GDPD1: variants seen among roughly 807,000 people sequenced by gnomAD.
GDPD1 encodes the protein lysophospholipase D GDPD1.
GDPD1 carries 28 observed loss-of-function variants against 45.1 expected under a neutral mutation model. That is an observed-to-expected ratio of 0.62 (90% CI 0.46 to 0.85). The LOEUF (loss-of-function observed/expected upper bound fraction) is 0.85. Ranked by LOEUF, GDPD1 falls within the 40% of genes least tolerant of loss-of-function variation. The probability of loss-of-function intolerance (pLI) is 0.00; values close to 1 mark genes in which losing one functional copy is unlikely to be tolerated. For missense variants in GDPD1, 256 were observed against 364.8 expected (o/e 0.70, Z 2.43); for synonymous variants, 139 against 131.4 (o/e 1.06, Z -0.40).
intron 6 of GDPD1, among the ~76,000 whole-genome samples, chr17:59,263,476 TCC>T (rs1196207636): frequency 1.6e-4 from 10 of 63,206 alleles, no homozygotes; most frequent in Non-Finnish European, 3.0e-4. Flanking sequence ...ATTCTTTTTT[TCC>T]TTTCCTTTTT....
chr17:59,245,679 G>A (rs1336145624), intron 3 of GDPD1, 130 bp downstream of exon 3: 1 of 693,300 alleles, frequency 1.4e-6, no homozygotes, highest in Non-Finnish European at 2.2e-6. Flanking sequence ...AAACATCAAA[G>A]GAAATTTTAA....
chr17:59,272,512 T>C (rs553996944), intron 8 of GDPD1, among the ~76,000 whole-genome samples: 7 of 152,328 alleles, frequency 4.6e-5, no homozygotes, highest in African/African-American at 1.7e-4. Flanking sequence ...TCTTTTCCAT[T>C]GAGCTGTGCC....
In GDPD1 at chr17:59,275,410, G is replaced by A. The variant is rs1468726966; in HGVS notation, c.*1637G>A. Reference sequence around the variant, plus strand: ...TCTATTTGAGACCTTTTTCAGGTGTGTAGCAATTCTACCATGTCCATTTTT... The same window carrying A: ...TCTATTTGAGACCTTTTTCAGGTGTATAGCAATTCTACCATGTCCATTTTT... On this transcript the variant is annotated 3_prime_UTR_variant, in exon 10 of 10. Transcript: ENST00000284116. The A allele has an allele frequency of 2.4e-6, 1 of 420,756 alleles. No individual in the cohort carries two copies. Among genetic ancestry groups the A allele is most frequent in the Non-Finnish European group, 4.3e-6 (1 of 231,408 alleles). 26.1% of individuals were successfully genotyped at this position (420,756 alleles called of 1,614,324 possible).
At chr17:59,256,136 G>A (rs1285289056) in intron 4 of GDPD1, among the ~76,000 whole-genome samples, 1 of 151,726 alleles carries the variant, frequency 6.6e-6, no homozygotes, top group Admixed American at 6.6e-5. Flanking sequence ...CTGGCCAAAT[G>A]CAAAACCCCA....
At chr17:59,272,961 C>A in intron 9 of GDPD1, 125 bp downstream of exon 9, 3 of 1,580,016 alleles carry the variant, frequency 1.9e-6, no homozygotes, top group Non-Finnish European at 2.6e-6. Context: ...CTTTACTGAT[C>A]CACAAATGAG....
chr17:59,238,894 C>T (rs951513319), intron 2 of GDPD1, among the ~76,000 whole-genome samples: 3 of 152,146 alleles, frequency 2.0e-5, no homozygotes, highest in African/African-American at 7.2e-5. Flanking sequence ...GAGCCTCCTT[C>T]ATAGTAAAGC....
chr17:59,250,802 G>A (rs1231260265), intron 4 of GDPD1, among the ~76,000 whole-genome samples: 1 of 151,894 alleles, frequency 6.6e-6, no homozygotes. Context: ...TGGGTTCAAG[G>A]GATTCTCATG....
At chr17:59,268,448 G>A (rs1190778079) in intron 7 of GDPD1, among the ~76,000 whole-genome samples, 4 of 151,422 alleles carry the variant, frequency 2.6e-5, no homozygotes, top group Non-Finnish European at 4.4e-5. Context: ...GCGTGGTGGC[G>A]GGCGCCTGTA....
At chr17:59,250,193 CTT>C (rs1391603732) in intron 4 of GDPD1, among the ~76,000 whole-genome samples, 1 of 152,120 alleles carries the variant, frequency 6.6e-6, no homozygotes, top group Non-Finnish European at 1.5e-5. Context: ...ATTCTTGTAA[CTT>C]ATACGATTAT....
At chr17:59,237,810 C>A (rs528505600) in intron 2 of GDPD1, among the ~76,000 whole-genome samples, 1 of 152,146 alleles carries the variant, frequency 6.6e-6, no homozygotes, top group South Asian at 2.1e-4. Context: ...TGGCTCACAC[C>A]TGTAATCCCA....
At chr17:59,222,773 C>T (rs1020156320) in intron 1 of GDPD1, among the ~76,000 whole-genome samples, 5 of 152,054 alleles carry the variant, frequency 3.3e-5, no homozygotes, top group African/African-American at 4.8e-5. Flanking sequence ...CCTTAGCCTC[C>T]CAAAGTGTTG....
chr17:59,256,089 C>G (rs998150836), intron 4 of GDPD1, among the ~76,000 whole-genome samples: 1 of 151,504 alleles, frequency 6.6e-6, no homozygotes, highest in Non-Finnish European at 1.5e-5. Context: ...GAGGCCGAGG[C>G]GGGCAGATCA....
In GDPD1 at chr17:59,254,822, C is replaced by T. The variant is rs188709544; in HGVS notation, c.368-2300C>T. ...TGTGTTAGCTTTGCTTTTAGGGACA[C>T]CCTTTCCACAGAGATGAACTCTTGG... On this transcript the variant is annotated intron_variant, in intron 4 of 9. Coordinates refer to ENST00000284116, the MANE Select transcript of GDPD1 (RefSeq NM_182569.4). Among the ~76,000 whole-genome samples the T allele has an allele frequency of 2.6e-5, 4 of 152,264 alleles. No homozygotes were observed. The East Asian group carries it at 7.7e-4, about 29-fold the overall frequency.
In GDPD1 at chr17:59,248,800, T is replaced by C. The variant is rs752679709; in HGVS notation, c.367+15T>C. On this transcript the variant is annotated intron_variant, in intron 4 of 9. Transcript: ENST00000284116. Reference sequence around the variant, plus strand: ...ATTTCAAAGAGGTAATATTTTTTGTTTGTGGCTTAAACATTTGTGTTGAGA... The same window carrying C: ...ATTTCAAAGAGGTAATATTTTTTGTCTGTGGCTTAAACATTTGTGTTGAGA... 6.3e-7 allele frequency: 1 copy of C among 1,587,994 alleles called. No individual in the cohort carries two copies. The highest frequency in any genetic ancestry group is 2.3e-5 in the East Asian group (1 of 44,302).
intron 6 of GDPD1, among the ~76,000 whole-genome samples, chr17:59,258,485 G>GT (rs1305484188): frequency 6.6e-6 from 1 of 152,036 alleles, no homozygotes; most frequent in Non-Finnish European, 1.5e-5. Context: ...AGAGGTTGCA[G>GT]TGAGCTGAGA....
At chr17:59,265,901 C>CAAA (rs60404339) in intron 6 of GDPD1, among the ~76,000 whole-genome samples, 1 of 80,370 alleles carries the variant, frequency 1.2e-5, no homozygotes, top group Non-Finnish European at 2.6e-5. Flanking sequence ...GACCTTATCT[C>CAAA]AAAAAAAAAA....
chr17:59,265,183 A>T (rs1418889911), intron 6 of GDPD1, among the ~76,000 whole-genome samples: 1 of 152,032 alleles, frequency 6.6e-6, no homozygotes, highest in African/African-American at 2.4e-5. Context: ...TGTGATTTTT[A>T]AAAATATATA....
chr17:59,240,163 C>T lies in GDPD1; in HGVS notation c.186-5251C>T, dbSNP rs1258187598. Among the ~76,000 whole-genome samples, 6 of 151,912 alleles carry T rather than the reference C, an allele frequency of 3.9e-5. No individual in the cohort carries two copies. In the East Asian group the frequency reaches 5.8e-4, roughly 15 times the overall value. On this transcript the variant is annotated intron_variant, in intron 2 of 9. Transcript: ENST00000284116. ...AAAAATTAGTTGGCGTGGTGATGCG[C>T]GCTTGTAGTTCCAGCTACTCAGAAG...
chr17:59,242,267 T>C (rs778065648), intron 2 of GDPD1, among the ~76,000 whole-genome samples: 37 of 152,348 alleles, frequency 2.4e-4, no homozygotes, highest in Non-Finnish European at 4.7e-4. Context: ...TTTCCCATGT[T>C]GGCCAGGCTG....
Sources: allele counts gnomAD v4.1 joint callset (sites outside exome capture counted in the v4.1 genomes callset), GRCh38; gene constraint gnomAD v4.1.1; transcripts MANE v1.5; gene names NCBI Gene and HGNC (gene_info 2026-07-23, HGNC 2026-07-21).